The following ERBB4 variants were observed in gnomAD, a reference collection of about 807,000 sequenced individuals.
The protein encoded by ERBB4 is receptor tyrosine-protein kinase erbB-4.
Under a neutral mutation model 158.0 loss-of-function variants are expected in ERBB4, and 42 were observed. The ratio of observed to expected loss-of-function variants is 0.27; its 90% confidence interval spans 0.21 to 0.34. The LOEUF (loss-of-function observed/expected upper bound fraction) is 0.34, where lower values mean the gene tolerates loss of function less well. Ranked by LOEUF, ERBB4 falls within the 10% of genes least tolerant of loss-of-function variation. The pLI, the probability that ERBB4 is intolerant of heterozygous loss-of-function variation, is 1.00. For missense variants in ERBB4, 1,333 were observed against 1,624.1 expected (o/e 0.82, Z 3.08); for synonymous variants, 583 against 558.7 (o/e 1.04, Z -0.61).
chr2:211,713,489 G>T, intron 8 of ERBB4, 46 bp downstream of exon 8: 1 of 1,184,788 alleles, frequency 8.4e-7, no homozygotes, highest in Non-Finnish European at 1.3e-6. Flanking sequence ...TAAAAACCTT[G>T]TTATATAGGC....
intron 2 of ERBB4, among the ~76,000 whole-genome samples, chr2:212,110,173 T>C (rs989591189): frequency 1.3e-5 from 2 of 152,180 alleles, no homozygotes; most frequent in African/African-American, 4.8e-5. Context: ...GTCAAAGGTG[T>C]ATAGGTGAAG....
intron 1 of ERBB4, among the ~76,000 whole-genome samples, chr2:212,320,092 T>C (rs1479342366): frequency 6.7e-6 from 1 of 149,916 alleles, no homozygotes. Context: ...AGTGATGGCA[T>C]TGTACTGAGG....
At chr2:212,070,222 G>T (rs2078072433) in intron 2 of ERBB4, among the ~76,000 whole-genome samples, 1 of 151,972 alleles carries the variant, frequency 6.6e-6, no homozygotes, top group African/African-American at 2.4e-5. Context: ...TAAATGAAAA[G>T]ATATCTTATT....
chr2:211,937,756 T>G (rs1260006440), intron 3 of ERBB4, among the ~76,000 whole-genome samples: 1 of 152,128 alleles, frequency 6.6e-6, no homozygotes, highest in Non-Finnish European at 1.5e-5. Flanking sequence ...ACCAACCCCA[T>G]GATTCAATTA....
chr2:211,946,863 A>G (rs1328211571), intron 3 of ERBB4, among the ~76,000 whole-genome samples: 1 of 152,042 alleles, frequency 6.6e-6, no homozygotes, highest in Non-Finnish European at 1.5e-5. Context: ...GGTTGCTTAC[A>G]TCATATATTT....
chr2:212,170,552 C>T (rs1327031514), intron 1 of ERBB4, among the ~76,000 whole-genome samples: 1 of 152,186 alleles, frequency 6.6e-6, no homozygotes, highest in Non-Finnish European at 1.5e-5. Context: ...GGCAGCCCCT[C>T]CCATCACAGG....
chr2:211,751,861 C>T (rs1352980254), intron 4 of ERBB4, among the ~76,000 whole-genome samples: 2 of 152,162 alleles, frequency 1.3e-5, no homozygotes, highest in African/African-American at 4.8e-5. Flanking sequence ...GATCTCAGAC[C>T]ATTCAGATTG....
intron 1 of ERBB4, among the ~76,000 whole-genome samples, chr2:212,370,081 AT>A (rs1485774311): frequency 6.6e-6 from 1 of 152,132 alleles, no homozygotes; most frequent in Non-Finnish European, 1.5e-5. Context: ...CTCACCTTGA[AT>A]TGCAATAATC....
At chr2:212,299,857 C>T (rs2086554737) in intron 1 of ERBB4, among the ~76,000 whole-genome samples, 1 of 151,588 alleles carries the variant, frequency 6.6e-6, no homozygotes, top group African/African-American at 2.4e-5. Context: ...AATACTGCTG[C>T]ATAGCACGGC....
intron 3 of ERBB4, among the ~76,000 whole-genome samples, chr2:211,814,036 A>G (rs1166594781): frequency 3.9e-5 from 6 of 152,192 alleles, no homozygotes; most frequent in Non-Finnish European, 5.9e-5. Flanking sequence ...AAAACTATAC[A>G]GCCATTATAA....
intron 2 of ERBB4, among the ~76,000 whole-genome samples, chr2:212,124,030 G>T (rs1422811646): frequency 6.6e-6 from 1 of 152,074 alleles, no homozygotes; most frequent in Non-Finnish European, 1.5e-5. Flanking sequence ...TTTGTCAAAG[G>T]CCCCTTCAAG....
intron 2 of ERBB4, among the ~76,000 whole-genome samples, chr2:212,037,524 C>CT (rs1169988735): frequency 6.6e-6 from 1 of 152,176 alleles, no homozygotes; most frequent in Non-Finnish European, 1.5e-5. Flanking sequence ...CAACATCTAG[C>CT]TAATAACATT....
At chr2:211,941,481 T>C (rs945348553) in intron 3 of ERBB4, among the ~76,000 whole-genome samples, 4 of 152,002 alleles carry the variant, frequency 2.6e-5, no homozygotes, top group African/African-American at 9.7e-5. Flanking sequence ...CTTGTGTAGG[T>C]CAAGACAAAT....
chr2:211,681,528 G>GATGT (rs2072333469), intron 12 of ERBB4, among the ~76,000 whole-genome samples: 1 of 152,144 alleles, frequency 6.6e-6, no homozygotes, highest in African/African-American at 2.4e-5. Flanking sequence ...CACCAACACT[G>GATGT]ATGTGGTCAG....
At chr2:211,492,592 A>G (rs1291722433) in intron 20 of ERBB4, among the ~76,000 whole-genome samples, 1 of 152,070 alleles carries the variant, frequency 6.6e-6, no homozygotes, top group Non-Finnish European at 1.5e-5. Context: ...TGGGCAAAAT[A>G]AGTTTGTACC....
At chr2:212,301,435 T>C (rs1559963804) in intron 1 of ERBB4, among the ~76,000 whole-genome samples, 1 of 151,458 alleles carries the variant, frequency 6.6e-6, no homozygotes, top group South Asian at 2.1e-4. Context: ...CTGAACAAAA[T>C]ACGAGCACTG....
intron 11 of ERBB4, among the ~76,000 whole-genome samples, chr2:211,703,828 G>C (rs1480601686): frequency 6.6e-6 from 1 of 152,152 alleles, no homozygotes; most frequent in Non-Finnish European, 1.5e-5. Flanking sequence ...TGATAAAAAT[G>C]AAAGTTTCAT....
At chr2:211,804,775 A>C (rs2076576807) in intron 3 of ERBB4, among the ~76,000 whole-genome samples, 1 of 152,140 alleles carries the variant, frequency 6.6e-6, no homozygotes, top group South Asian at 2.1e-4. Flanking sequence ...TCCATCTCTT[A>C]GGATTTCTGG....
intron 3 of ERBB4, among the ~76,000 whole-genome samples, chr2:211,932,488 G>T (rs1333277047): frequency 6.6e-6 from 1 of 151,790 alleles, no homozygotes; most frequent in Non-Finnish European, 1.5e-5. Context: ...TTTTCCAAAG[G>T]ACATTCCCTA....
Sources: allele counts gnomAD v4.1 joint callset (sites outside exome capture counted in the v4.1 genomes callset), GRCh38; gene constraint gnomAD v4.1.1; transcripts MANE v1.5; gene names NCBI Gene and HGNC (gene_info 2026-07-23, HGNC 2026-07-21).